Variants in PLD5 observed in about 807,000 individuals in gnomAD.
The protein encoded by PLD5 is phospholipase D family member 5, also known as inactive phospholipase D5.
In PLD5, 36 loss-of-function variants were observed where a neutral mutation model predicts 61.1. The observed-to-expected ratio is 0.59, with a 90% CI of 0.45 to 0.78. The LOEUF (loss-of-function observed/expected upper bound fraction) is 0.78, where lower values mean the gene tolerates loss of function less well. Among genes scored for constraint, PLD5 ranks in the 30% least tolerant of loss-of-function variants. The pLI is 0.00. For synonymous variants in PLD5, 243 were observed against 242.8 expected, an observed-to-expected ratio of 1.00 and a Z score of -0.01; for missense variants, 515 against 644.4, an observed-to-expected ratio of 0.80 and a Z score of 2.17.
chr1:242,175,635 A>T (rs1345876625), intron 5 of PLD5, among the ~76,000 whole-genome samples: 1 of 152,204 alleles, frequency 6.6e-6, no homozygotes, highest in Admixed American at 6.5e-5. Context: ...AGCGTATTCA[A>T]ATAGGAAGAG....
At chr1:242,441,332 T>G (rs1188494861) in intron 1 of PLD5, among the ~76,000 whole-genome samples, 1 of 152,130 alleles carries the variant, frequency 6.6e-6, no homozygotes. Context: ...AGTAGGTGTG[T>G]GTGGTGTTGT....
At chr1:242,248,446 T>A (rs528629102) in intron 4 of PLD5, among the ~76,000 whole-genome samples, 9 of 144,494 alleles carry the variant, frequency 6.2e-5, no homozygotes, top group Admixed American at 3.6e-4. Context: ...AAAGTATATT[T>A]AAAAAAAAAG....
rs1348145639 is a variant in PLD5, at chr1:242,524,165, C to G, written c.112G>C (p.Ala38Pro). Residue 38 changes from alanine (A) to proline (P), a missense_variant, in exon 1 of 10, where the codon GCG becomes CCG. Around this residue, in one of 2 missense-constraint regions of PLD5, gnomAD observed 450 missense variants for 598.1 expected, o/e 0.75. Coordinates refer to ENST00000536534, the MANE Select transcript of PLD5 (RefSeq NM_001372062.1). ...EPSPSLTRVGANFYSSVKQQD... is the reference protein window; with the variant it reads ...EPSPSLTRVGPNFYSSVKQQD... The stretch of plus-strand genomic sequence containing the variant: ...TGCTTGACGCTGCTGTAGAAGTTCG[C>G]GCCCACTCGGGTCAGGCTTGGGGAG... 6.5e-7 allele frequency: 1 copy of G among 1,535,346 alleles called. No individual in the cohort carries two copies. The highest frequency in any genetic ancestry group is 8.7e-7 in the Non-Finnish European group (1 of 1,146,564).
At chr1:242,127,696 A>G (rs1662906331) in intron 5 of PLD5, among the ~76,000 whole-genome samples, 1 of 152,148 alleles carries the variant, frequency 6.6e-6, no homozygotes, top group South Asian at 2.1e-4. Flanking sequence ...AAGGCTACAA[A>G]TTGGGTTCAA....
intron 5 of PLD5, among the ~76,000 whole-genome samples, chr1:242,132,716 A>T (rs1486062469): frequency 6.6e-6 from 1 of 152,134 alleles, no homozygotes; most frequent in East Asian, 1.9e-4. Flanking sequence ...TCATTCCCAC[A>T]GTGGGTGGTT....
chr1:242,279,102 T>C (rs316902), intron 3 of PLD5, among the ~76,000 whole-genome samples: 150,511 of 152,368 alleles, frequency 0.99, 74,352 homozygotes, highest in East Asian at 1. Context: ...ATAAATACGA[T>C]GTGGGTCCTA....
chr1:242,359,083 T>C (rs1304430921), intron 1 of PLD5, among the ~76,000 whole-genome samples: 1 of 152,020 alleles, frequency 6.6e-6, no homozygotes, highest in Non-Finnish European at 1.5e-5. Flanking sequence ...TATTACCTGA[T>C]ATCTCTGATC....
At chr1:242,106,037 G>T (rs1661030473) in intron 8 of PLD5, among the ~76,000 whole-genome samples, 1 of 152,134 alleles carries the variant, frequency 6.6e-6, no homozygotes, top group Admixed American at 6.5e-5. Flanking sequence ...AAACAACCTT[G>T]GGTCCTTGGT....
intron 2 of PLD5, among the ~76,000 whole-genome samples, chr1:242,315,946 T>C (rs1325071129): frequency 6.6e-6 from 1 of 152,220 alleles, no homozygotes; most frequent in Non-Finnish European, 1.5e-5. Context: ...AAGTGAAAAG[T>C]ATAACCAGTG....
intron 1 of PLD5, among the ~76,000 whole-genome samples, chr1:242,494,202 G>A (rs1435566876): frequency 6.6e-6 from 1 of 150,550 alleles, no homozygotes; most frequent in Non-Finnish European, 1.5e-5. Flanking sequence ...TTCTAACTCG[G>A]GCCAAATGGC....
intron 4 of PLD5, among the ~76,000 whole-genome samples, chr1:242,243,129 T>A (rs906890252): frequency 2.6e-5 from 4 of 152,336 alleles, no homozygotes; most frequent in African/African-American, 9.6e-5. Flanking sequence ...CAGCTTGCTG[T>A]GCCACAAATG....
chr1:242,170,154 G>A (rs951966895), intron 5 of PLD5, among the ~76,000 whole-genome samples: 1 of 151,906 alleles, frequency 6.6e-6, no homozygotes, highest in East Asian at 1.9e-4. Flanking sequence ...ACTCCCAGGT[G>A]GGGCCAACAG....
rs145127393 is a variant in PLD5 at position 242,139,455 on chromosome 1, A to G, written c.736-14790T>C. ...CTTCAACTTGCTTTTCCAAGGGTTCAATGTAGCTCTCGAACTGCTTCCTGT... is the reference window on the plus strand; with the variant it reads ...CTTCAACTTGCTTTTCCAAGGGTTCGATGTAGCTCTCGAACTGCTTCCTGT... On this transcript the variant is annotated intron_variant, in intron 5 of 9. Transcript: ENST00000536534. Among the ~76,000 whole-genome samples the G allele has an allele frequency of 3.5e-3, 536 of 151,840 alleles. 4 individuals are homozygous for G. The highest frequency in any genetic ancestry group is 0.012 in the African/African-American group (516 of 41,404).
intron 5 of PLD5, among the ~76,000 whole-genome samples, chr1:242,125,288 C>A (rs923113222): frequency 8.5e-5 from 13 of 152,154 alleles, no homozygotes; most frequent in East Asian, 5.8e-4. Flanking sequence ...AATTATTATT[C>A]TTATTAACGT....
chr1:242,343,917 G>C (rs1659984256), intron 2 of PLD5, among the ~76,000 whole-genome samples: 1 of 152,094 alleles, frequency 6.6e-6, no homozygotes, highest in Non-Finnish European at 1.5e-5. Flanking sequence ...GGAGGTAAGA[G>C]ACTGAATAAA....
At chr1:242,276,007 G>T (rs1213905792) in intron 3 of PLD5, among the ~76,000 whole-genome samples, 1 of 152,098 alleles carries the variant, frequency 6.6e-6, no homozygotes, top group Admixed American at 6.6e-5. Context: ...AGAGCAATGA[G>T]GTTGGTGAAA....
At position 242,084,166 on chromosome 1, in the gene PLD5, ACT is replaced by A. The variant is rs1229314657; in HGVS notation, c.*5686_*5687del. 4 of 152,110 alleles carry A rather than the reference ACT, an allele frequency of 2.6e-5. No individual in the cohort carries two copies. Among genetic ancestry groups the A allele is most frequent in the African/African-American group, 9.7e-5 (4 of 41,422 alleles). The allele number at this position is 152,110 out of a possible 1,614,324, so 9.4% of individuals were successfully genotyped here. A position where few individuals can be genotyped will look rare whatever the true frequency, so the allele number is the denominator to read the frequency against. On this transcript the variant is annotated 3_prime_UTR_variant, in exon 10 of 10. Transcript: ENST00000536534. Reference sequence around the variant, plus strand: ...ACTCCTTGTACATGACTGTCATCGCACTGTTAGCCCATTTTTTTAAAAAAAAA... The same window carrying A: ...ACTCCTTGTACATGACTGTCATCGCAGTTAGCCCATTTTTTTAAAAAAAAA...
At chr1:242,199,587 T>G (rs1196170003) in intron 5 of PLD5, among the ~76,000 whole-genome samples, 1 of 152,108 alleles carries the variant, frequency 6.6e-6, no homozygotes, top group African/African-American at 2.4e-5. Context: ...ACTGATTTAT[T>G]GCACTGTGGT....
chr1:242,269,393 G>A (rs999649948), intron 3 of PLD5, among the ~76,000 whole-genome samples: 1 of 151,434 alleles, frequency 6.6e-6, no homozygotes, highest in Non-Finnish European at 1.5e-5. Flanking sequence ...TAGAGATCCA[G>A]CTCAGCCCCT....
Sources: gnomAD v4.1 joint callset for allele counts (sites outside exome capture counted in the v4.1 genomes callset) on GRCh38, gnomAD v4.1.1 for gene constraint, gnomAD v4.1.1 regional missense constraint, MANE v1.5 for transcripts, NCBI Gene and HGNC (gene_info 2026-07-23, HGNC 2026-07-21) for gene names.